Variants in FBXW4 observed in about 807,000 individuals in gnomAD.
FBXW4 encodes F-box/WD repeat-containing protein 4.
Under a neutral mutation model 61.8 loss-of-function variants are expected in FBXW4, and 40 were observed. That is an observed-to-expected ratio of 0.65 (90% CI 0.50 to 0.84). FBXW4 has a LOEUF of 0.84. Ranked by LOEUF, FBXW4 falls within the 40% of genes least tolerant of loss-of-function variation. The pLI is 0.00. For missense variants in FBXW4, 672 were observed against 753.8 expected, an observed-to-expected ratio of 0.89 and a Z score of 1.27; for synonymous variants, 311 against 313.8, an observed-to-expected ratio of 0.99 and a Z score of 0.10.
In FBXW4 at chr10:101,612,449, C is replaced by T. The variant is rs1325252531; in HGVS notation, c.1330G>A (p.Asp444Asn). The change falls in exon 7 of 9, where the codon GAC becomes AAC. Residue 444 changes from aspartate to asparagine, a missense_variant. Transcript: ENST00000331272. ...SGQLMTHLGS[D>N]FPPGAGVLDV... is the part of the protein sequence containing the mutation. ...AGCACCCCAGCCCCTGGGGGAAAGT[C>T]ACTGCCCAAGTGTGTCATCAGCTGC... 6.3e-7 allele frequency: 1 copy of T among 1,591,282 alleles called. No individual in the cohort carries two copies. Among genetic ancestry groups the T allele is most frequent in the Middle Eastern group, 1.7e-4 (1 of 6,010 alleles).
chr10:101,612,927 G>C (rs945679553), intron 6 of FBXW4: 1 of 154,346 alleles, frequency 6.5e-6, no homozygotes, highest in Non-Finnish European at 1.4e-5. Context: ...TGTAATCTGG[G>C]GCTCAAACCT....
chr10:101,619,782 T>A (rs924980355), intron 6 of FBXW4, among the ~76,000 whole-genome samples: 1 of 151,920 alleles, frequency 6.6e-6, no homozygotes, highest in Admixed American at 6.6e-5. Context: ...TGCCCCTCCA[T>A]CCCTGTTCCA....
chr10:101,626,628 T>G (rs1156958281), intron 5 of FBXW4: 1 of 152,346 alleles, frequency 6.6e-6, no homozygotes, highest in African/African-American at 2.4e-5. Flanking sequence ...TTGCTGGGAC[T>G]ACGGGCATGC....
rs1343206042 is a variant in FBXW4, at chr10:101,611,839, C to G, written c.1443-70G>C. The G allele has an allele frequency of 1.9e-6, 3 of 1,539,168 alleles. No individual in the cohort carries two copies. In the African/African-American group the frequency reaches 4.1e-5, roughly 21 times the overall value. On this transcript the variant is annotated intron_variant, in intron 7 of 8. Transcript: ENST00000331272. The surrounding 1 kb of genome is among the most constrained non-coding windows in gnomAD (Gnocchi z 4.9). ...CACCTCTACCCCAGCTTTCTTGGGC[C>G]TAGAGTGGCTGAGGGGAGCGTTAAG... is the stretch of plus-strand genomic sequence containing the variant.
intron 5 of FBXW4, among the ~76,000 whole-genome samples, chr10:101,632,650 G>T (rs533976208): frequency 6.6e-6 from 1 of 152,272 alleles, no homozygotes; most frequent in East Asian, 1.9e-4. Context: ...AATAACATAA[G>T]TTCATTCATC....
intron 6 of FBXW4, among the ~76,000 whole-genome samples, chr10:101,617,394 G>A (rs2063833982): frequency 6.6e-6 from 1 of 152,140 alleles, no homozygotes. Context: ...CTCTTTGCAG[G>A]CTTTTCCACC....
intron 5 of FBXW4, chr10:101,625,120 C>A: frequency 2.8e-6 from 1 of 363,560 alleles, no homozygotes; most frequent in Admixed American, 4.0e-5. Context: ...AGTTTGAGCC[C>A]AGGAGAGAGC....
chr10:101,631,820 G>T (rs2063960464), intron 5 of FBXW4, among the ~76,000 whole-genome samples: 1 of 151,978 alleles, frequency 6.6e-6, no homozygotes, highest in Non-Finnish European at 1.5e-5. Context: ...GTAGAGATGG[G>T]GTTTCGCCGT....
intron 5 of FBXW4, among the ~76,000 whole-genome samples, chr10:101,643,860 C>T (rs2064074340): frequency 6.6e-6 from 1 of 151,910 alleles, no homozygotes; most frequent in Non-Finnish European, 1.5e-5. Context: ...AGTGGGGGGG[C>T]CCACAAAATT....
chr10:101,689,833 C>T (rs1297332683), intron 1 of FBXW4, among the ~76,000 whole-genome samples: 1 of 152,134 alleles, frequency 6.6e-6, no homozygotes, highest in Non-Finnish European at 1.5e-5. Flanking sequence ...GAAATAGATA[C>T]CCCAGGCCCC....
chr10:101,681,088 C>T (rs2064469571), intron 1 of FBXW4, among the ~76,000 whole-genome samples: 1 of 152,068 alleles, frequency 6.6e-6, no homozygotes, highest in Admixed American at 6.5e-5. Context: ...AATTATGTCT[C>T]CATAAATAAC....
intron 6 of FBXW4, among the ~76,000 whole-genome samples, chr10:101,615,713 C>T (rs2063822010): frequency 6.6e-6 from 1 of 152,178 alleles, no homozygotes; most frequent in Admixed American, 6.5e-5. Flanking sequence ...GAAATGCTGA[C>T]ACCCATCACC....
intron 1 of FBXW4, among the ~76,000 whole-genome samples, chr10:101,678,681 GC>G (rs932492379): frequency 1.3e-5 from 2 of 152,124 alleles, no homozygotes; most frequent in African/African-American, 4.8e-5. Flanking sequence ...ACCCACCTCA[GC>G]CTCCCAAAGT....
intron 6 of FBXW4, among the ~76,000 whole-genome samples, chr10:101,617,180 T>G (rs2063831816): frequency 6.6e-6 from 1 of 152,164 alleles, no homozygotes; most frequent in Non-Finnish European, 1.5e-5. Flanking sequence ...ACAACAGGCT[T>G]TGGAGGTAAG....
chr10:101,664,559 A>C (rs951018698), intron 5 of FBXW4, among the ~76,000 whole-genome samples: 5 of 152,222 alleles, frequency 3.3e-5, no homozygotes. Flanking sequence ...GAAGGTGGTC[A>C]TTGAGGGCAG....
intron 5 of FBXW4, among the ~76,000 whole-genome samples, chr10:101,640,512 G>T (rs1241194470): frequency 2.0e-5 from 2 of 102,538 alleles, no homozygotes; most frequent in South Asian, 3.5e-4. Flanking sequence ...TTTTTTGAGA[G>T]AGAGAGTCTC....
intron 5 of FBXW4, among the ~76,000 whole-genome samples, chr10:101,657,204 G>A (rs567692359): frequency 3.0e-4 from 45 of 152,282 alleles, no homozygotes; most frequent in African/African-American, 1.0e-3. Context: ...AGAGGAGTAA[G>A]AACAAGCTTG....
At chr10:101,638,852 G>C in intron 5 of FBXW4, among the ~76,000 whole-genome samples, 1 of 152,190 alleles carries the variant, frequency 6.6e-6, no homozygotes, top group East Asian at 1.9e-4. Context: ...GAGAATTCCA[G>C]TTTTCCGGCA....
At chr10:101,627,395 T>A (rs925290892) in intron 5 of FBXW4, among the ~76,000 whole-genome samples, 70 of 152,090 alleles carry the variant, frequency 4.6e-4, no homozygotes, top group African/African-American at 1.7e-3. Context: ...TCAAGCAGAT[T>A]TTGAGCAAAC....
Sources: gnomAD v4.1 joint callset for allele counts (sites outside exome capture counted in the v4.1 genomes callset) on GRCh38, gnomAD v4.1.1 for gene constraint, Gnocchi (gnomAD v3.1) non-coding constraint, MANE v1.5 for transcripts, NCBI Gene and HGNC (gene_info 2026-07-23, HGNC 2026-07-21) for gene names.